Variants in CALD1 observed in about 807,000 individuals in gnomAD.
The protein encoded by CALD1 is caldesmon.
CALD1 carries 33 observed loss-of-function variants against 99.9 expected under a neutral mutation model. That is an observed-to-expected ratio of 0.33 (90% confidence interval 0.25 to 0.44). CALD1 has a LOEUF of 0.44. Among genes scored for constraint, CALD1 ranks in the 20% least tolerant of loss-of-function variants. The probability of loss-of-function intolerance (pLI) is 1.00; values close to 1 mark genes in which losing one functional copy is unlikely to be tolerated. For synonymous variants in CALD1, 310 were observed against 325.0 expected, an observed-to-expected ratio of 0.95 and a Z score of 0.50; for missense variants, 861 against 962.1, an observed-to-expected ratio of 0.89 and a Z score of 1.39.
Position 134,921,582 on chromosome 7 carries a change from C to A in CALD1, c.72-7172C>A, listed in dbSNP as rs1417717981. Among the ~76,000 whole-genome samples the A allele has an allele frequency of 3.3e-5, 5 of 152,280 alleles. No homozygotes were observed. The East Asian group carries it at 5.8e-4, about 18-fold the overall frequency. ...ATCCCAGCACTTTGGGAGGCCGAGG[C>A]GGGCGGATCACCTGAGGTCAGGAGT... On this transcript the variant is annotated intron_variant, in intron 3 of 14. Coordinates refer to ENST00000361675, the MANE Select transcript of CALD1 (RefSeq NM_033138.4).
chr7:134,754,919 T>C (rs2131575931), intron 1 of CALD1, among the ~76,000 whole-genome samples: 1 of 152,312 alleles, frequency 6.6e-6, no homozygotes, highest in East Asian at 1.9e-4. Context: ...ATAGGTATTG[T>C]CAAATTTATA....
chr7:134,816,537 T>C (rs1798571619), intron 1 of CALD1, among the ~76,000 whole-genome samples: 1 of 152,218 alleles, frequency 6.6e-6, no homozygotes, highest in Non-Finnish European at 1.5e-5. Flanking sequence ...ACCAAACCTA[T>C]TCCTGAATAG....
intron 1 of CALD1, among the ~76,000 whole-genome samples, chr7:134,818,119 T>C (rs1461244575): frequency 1.3e-5 from 2 of 152,208 alleles, no homozygotes; most frequent in East Asian, 3.8e-4. Context: ...TTTTTTTTCT[T>C]ACAATGTATT....
At chr7:134,799,382 A>G (rs1475072071) in intron 1 of CALD1, among the ~76,000 whole-genome samples, 1 of 152,206 alleles carries the variant, frequency 6.6e-6, no homozygotes, top group Non-Finnish European at 1.5e-5. Flanking sequence ...CTAACTCTCA[A>G]ATAGGAAGAC....
At chr7:134,800,296 A>C (rs1053927117) in intron 1 of CALD1, among the ~76,000 whole-genome samples, 2 of 152,112 alleles carry the variant, frequency 1.3e-5, no homozygotes, top group Admixed American at 1.3e-4. Context: ...AATTTAGTTT[A>C]AATGTATTGC....
At chr7:134,877,559 C>T (rs1019913748) in intron 3 of CALD1, among the ~76,000 whole-genome samples, 18 of 151,982 alleles carry the variant, frequency 1.2e-4, no homozygotes, top group African/African-American at 4.1e-4. Context: ...TTCAACCAAC[C>T]CAGATCAAAA....
intron 1 of CALD1, among the ~76,000 whole-genome samples, chr7:134,819,730 C>G (rs6962458): frequency 0.62 from 94,881 of 152,034 alleles, 29,997 homozygotes; most frequent in East Asian, 0.95. Flanking sequence ...TAGCTCCTGA[C>G]CCAGATGTGA....
At chr7:134,918,959 G>A (rs1467985569) in intron 3 of CALD1, among the ~76,000 whole-genome samples, 1 of 152,138 alleles carries the variant, frequency 6.6e-6, no homozygotes, top group African/African-American at 2.4e-5. Context: ...AAGATTGTAT[G>A]AGTGCACACC....
chr7:134,898,026 G>A (rs1025318426), intron 3 of CALD1, among the ~76,000 whole-genome samples: 1 of 152,162 alleles, frequency 6.6e-6, no homozygotes, highest in Admixed American at 6.5e-5. Flanking sequence ...CCAGGTTCAA[G>A]CAATTATTCT....
Position 134,771,653 on chromosome 7 carries a change from A to G in CALD1, c.-130+27290A>G, listed in dbSNP as rs1796878874. 2.6e-5 allele frequency among the ~76,000 whole-genome samples: 4 copies of G among 151,972 alleles called. No individual in the cohort carries two copies. The South Asian group carries it at 6.2e-4, about 24-fold the overall frequency. On this transcript the variant is annotated intron_variant, in intron 1 of 13. Transcript: ENST00000417172. ...TTTTTTCCTGCCTCAAACTCTTCCA[A>G]TGACCTTCCATCTTAGAACAAGCCC...
chr7:134,803,674 C>A (rs1367647874), intron 1 of CALD1, among the ~76,000 whole-genome samples: 2 of 149,202 alleles, frequency 1.3e-5, no homozygotes, highest in South Asian at 4.3e-4. Flanking sequence ...AATCATTCAT[C>A]TCCTGCATAG....
intron 3 of CALD1, among the ~76,000 whole-genome samples, chr7:134,912,889 TG>T (rs1284314584): frequency 1.3e-5 from 2 of 152,106 alleles, no homozygotes; most frequent in African/African-American, 4.8e-5. Context: ...GCATGGTTAG[TG>T]GGGCAGATTT....
At chr7:134,835,962 T>C (rs527403835) in intron 1 of CALD1, among the ~76,000 whole-genome samples, 191 of 151,976 alleles carry the variant, frequency 1.3e-3, no homozygotes, top group African/African-American at 4.4e-3. Context: ...CTGGCCAACA[T>C]GGTGAAACCC....
intron 2 of CALD1, among the ~76,000 whole-genome samples, chr7:134,863,195 G>A (rs891686937): frequency 6.6e-6 from 1 of 152,086 alleles, no homozygotes; most frequent in Middle Eastern, 3.2e-3. Context: ...GGGGAGGGGG[G>A]AATATATGGA....
chr7:134,964,048 T>A (rs1808479970), intron 13 of CALD1, among the ~76,000 whole-genome samples: 1 of 152,042 alleles, frequency 6.6e-6, no homozygotes, highest in Non-Finnish European at 1.5e-5. Flanking sequence ...AATACAAAAA[T>A]TAGCTGAGCG....
chr7:134,834,380 C>T (rs1486202680), intron 1 of CALD1, among the ~76,000 whole-genome samples: 2 of 152,130 alleles, frequency 1.3e-5, no homozygotes, highest in Non-Finnish European at 2.9e-5. Flanking sequence ...TATCCAAAAA[C>T]AGATGTAGTG....
the CALD1 span, among the ~76,000 whole-genome samples, chr7:134,711,660 C>CTCTCTCTCTCTCTCTCTCTCTCTATATA: frequency 1.3e-5 from 1 of 78,350 alleles, no homozygotes; most frequent in African/African-American, 6.2e-5. Flanking sequence ...CTCTCTCTCT[C>CTCTCTCTCTCTCTCTCTCTCTCTATATA]TATATATATA....
intron 3 of CALD1, among the ~76,000 whole-genome samples, chr7:134,880,523 A>G (rs775497949): frequency 1.2e-4 from 18 of 152,204 alleles, no homozygotes; most frequent in Non-Finnish European, 2.6e-4. Flanking sequence ...CATCTTTCCC[A>G]AGGCACAATT....
chr7:134,898,111 T>G (rs530532582), intron 3 of CALD1, among the ~76,000 whole-genome samples: 1 of 151,958 alleles, frequency 6.6e-6, no homozygotes, highest in Non-Finnish European at 1.5e-5. Flanking sequence ...TTAAGAAAAG[T>G]TTTTTTGGAT....
Sources: gnomAD v4.1 joint callset for allele counts (sites outside exome capture counted in the v4.1 genomes callset) on GRCh38, gnomAD v4.1.1 for gene constraint, MANE v1.5 for transcripts, NCBI Gene and HGNC (gene_info 2026-07-23, HGNC 2026-07-21) for gene names.